LMO1: variants seen among roughly 807,000 people sequenced by gnomAD.
LMO1 encodes LIM domain only 1, also known as rhombotin-1.
In LMO1, 10 loss-of-function variants were observed where a neutral mutation model predicts 18.0. That is an observed-to-expected ratio of 0.55 (90% CI 0.34 to 0.94). The LOEUF (loss-of-function observed/expected upper bound fraction) is 0.94, where lower values mean the gene tolerates loss of function less well. Ranked by LOEUF, LMO1 falls within the 40% of genes least tolerant of loss-of-function variation. The pLI, the probability that LMO1 is intolerant of heterozygous loss-of-function variation, is 0.02. For synonymous variants in LMO1, 77 were observed against 77.9 expected (o/e 0.99, Z 0.06); for missense variants, 183 against 205.7 (o/e 0.89, Z 0.68).
chr11:8,233,015 G>A (rs1952697125), intron 1 of LMO1, among the ~76,000 whole-genome samples: 3 of 152,220 alleles, frequency 2.0e-5, no homozygotes, highest in African/African-American at 7.2e-5. Flanking sequence ...GAAGCCATGA[G>A]GGGTGAAGCT....
At chr11:8,227,174 C>G (rs917753136) in intron 2 of LMO1, 74 bp from the exon 3 acceptor site, 2 of 1,560,386 alleles carry the variant, frequency 1.3e-6, no homozygotes, top group Non-Finnish European at 1.7e-6. Context: ...GGAGTTGCCT[C>G]CATCCAGGGT....
intron 1 of LMO1, among the ~76,000 whole-genome samples, chr11:8,236,690 C>G (rs1044152051): frequency 6.6e-6 from 1 of 152,118 alleles, no homozygotes; most frequent in African/African-American, 2.4e-5. Context: ...TACTTCCCCA[C>G]GTCCACATGA....
At chr11:8,254,838 T>C (rs1482239302) in intron 1 of LMO1, among the ~76,000 whole-genome samples, 3 of 152,246 alleles carry the variant, frequency 2.0e-5, no homozygotes, top group African/African-American at 7.2e-5. Context: ...GCAGTCAGCC[T>C]GCTTGGGTTC....
Position 8,242,812 on chromosome 11 carries a change from T to C in LMO1, c.26-12308A>G, listed in dbSNP as rs570485577. On this transcript the variant is annotated intron_variant, in intron 1 of 3. Transcript: ENST00000335790. ...TCTCAATTTCACAGCATCAGGGACG[T>C]GAGCACCAGCGCGCTGAACCAGAAA... 4.6e-5 allele frequency among the ~76,000 whole-genome samples: 7 copies of C among 152,298 alleles called. No individual in the cohort carries two copies. The East Asian group carries it at 1.3e-3, about 29-fold the overall frequency.
chr11:8,231,939 GC>G (rs34105813), intron 1 of LMO1, among the ~76,000 whole-genome samples: 1 of 152,186 alleles, frequency 6.6e-6, no homozygotes, highest in Non-Finnish European at 1.5e-5. Flanking sequence ...GGTCAGAAGA[GC>G]CCTCAGAGTT....
chr11:8,267,152 G>C (rs1475258326), upstream of LMO1, among the ~76,000 whole-genome samples: 1 of 152,204 alleles, frequency 6.6e-6, no homozygotes, highest in Admixed American at 6.5e-5. Context: ...AGGCCTTGTG[G>C]AGGCCTAAGC....
At chr11:8,265,455 A>G (rs977636092), upstream of LMO1, among the ~76,000 whole-genome samples, 47 of 152,172 alleles carry the variant, frequency 3.1e-4, no homozygotes, top group African/African-American at 1.1e-3. Flanking sequence ...CAGGGAAGTC[A>G]GGCTTTGAGA....
chr11:8,231,026 A>G (rs575930814), intron 1 of LMO1, among the ~76,000 whole-genome samples: 1 of 152,268 alleles, frequency 6.6e-6, no homozygotes, highest in East Asian at 1.9e-4. Context: ...ATCAAGAAGG[A>G]AGTGAGACGC....
chr11:8,256,291 A>T (rs1311652965), intron 1 of LMO1, among the ~76,000 whole-genome samples: 1 of 152,248 alleles, frequency 6.6e-6, no homozygotes, highest in Non-Finnish European at 1.5e-5. Flanking sequence ...GTGCTTGGAC[A>T]TAAAGTGCCA....
intron 3 of LMO1, among the ~76,000 whole-genome samples, chr11:8,226,687 C>T (rs935103852): frequency 6.6e-6 from 1 of 152,260 alleles, no homozygotes; most frequent in East Asian, 1.9e-4. Flanking sequence ...TGCACATGCA[C>T]ACTCAACTAT....
chr11:8,268,334 G>T (rs993726719), upstream of LMO1: 3 of 1,147,672 alleles, frequency 2.6e-6, no homozygotes, highest in Admixed American at 6.4e-5. Flanking sequence ...CTCTGCCGCC[G>T]CTAGCGGGGT....
At chr11:8,242,585 C>A (rs1460598872) in intron 1 of LMO1, among the ~76,000 whole-genome samples, 1 of 152,216 alleles carries the variant, frequency 6.6e-6, no homozygotes, top group Non-Finnish European at 1.5e-5. Context: ...CTGGAGCCAG[C>A]CCCTGTGTTC....
chr11:8,226,812 T>C (rs771751296), intron 3 of LMO1, 163 bp downstream of exon 3: 5 of 1,333,608 alleles, frequency 3.7e-6, no homozygotes, highest in Non-Finnish European at 4.9e-6. Context: ...TACACACACA[T>C]AAAACACATA....
chr11:8,268,740 C>T (rs940868938), upstream of LMO1: 35 of 211,488 alleles, frequency 1.7e-4, no homozygotes, highest in African/African-American at 7.9e-4. Context: ...GAGCCTGAGC[C>T]GCGCGCGCGT....
At chr11:8,249,677 G>A (rs868166915) in intron 1 of LMO1, among the ~76,000 whole-genome samples, 2 of 152,124 alleles carry the variant, frequency 1.3e-5, no homozygotes, top group Admixed American at 6.6e-5. Context: ...ACAATGTAGC[G>A]CTGCCAACCC....
Position 8,230,356 on chromosome 11 carries a change from C to A in LMO1, c.174G>T (p.Leu58=), listed in dbSNP as rs769536483. 1.2e-5 allele frequency: 19 copies of A among 1,613,992 alleles called. No homozygotes were observed. The highest frequency in any genetic ancestry group is 3.3e-4 in the Middle Eastern group (2 of 6,084). ...TGTAGAGGGTGGAGCCCACCTCGCC[C>A]AGGCGGCAGTCACAGCAGGCACACT... ...CLKCACCDCR[L]GEVGSTLYTK... Residue 58 remains leucine (L), a synonymous_variant, in exon 2 of 4, where the codon CTG becomes CTT. Coordinates refer to ENST00000335790, the MANE Select transcript of LMO1 (RefSeq NM_002315.3).
At chr11:8,268,647 G>C (rs576547742), upstream of LMO1, 1 of 331,186 alleles carries the variant, frequency 3.0e-6, no homozygotes, top group African/African-American at 2.2e-5. Context: ...GGAGGGACTG[G>C]GGGGAAGGCG....
intron 1 of LMO1, among the ~76,000 whole-genome samples, chr11:8,246,130 A>G (rs1846889516): frequency 6.6e-6 from 1 of 152,224 alleles, no homozygotes; most frequent in Non-Finnish European, 1.5e-5. Flanking sequence ...TCTCATTTCA[A>G]CATGAGATTT....
intron 1 of LMO1, among the ~76,000 whole-genome samples, chr11:8,262,374 G>T (rs571937723): frequency 6.6e-6 from 1 of 152,172 alleles, no homozygotes; most frequent in African/African-American, 2.4e-5. Flanking sequence ...GACAGCCAAG[G>T]TACTGCCTCT....
Sources: allele counts gnomAD v4.1 joint callset (sites outside exome capture counted in the v4.1 genomes callset), GRCh38; gene constraint gnomAD v4.1.1; transcripts MANE v1.5; gene names NCBI Gene and HGNC (gene_info 2026-07-23, HGNC 2026-07-21).